UBR2: variants seen among roughly 807,000 people sequenced by gnomAD.
UBR2 encodes the protein ubiquitin protein ligase E3 component n-recognin 2.
Under a neutral mutation model 247.9 loss-of-function variants are expected in UBR2, and 92 were observed. The ratio of observed to expected loss-of-function variants is 0.37; its 90% CI spans 0.31 to 0.44. UBR2 has a LOEUF of 0.44. UBR2 is among the 20% of genes least tolerant of loss of function. UBR2 has a pLI of 1.00. For missense variants in UBR2, 1,613 were observed against 2,112.6 expected (o/e 0.76, Z 4.64); for synonymous variants, 672 against 693.5 (o/e 0.97, Z 0.49).
rs1379213303 is a variant in UBR2 at position 42,619,442 on chromosome 6, TA to T, written c.1281+1936del. On this transcript the variant is annotated intron_variant, in intron 11 of 46. Transcript: ENST00000372901. The stretch of plus-strand genomic sequence containing the variant: ...ATATATATATATATATATATATATA[TA>T]TATATATATATTTTTTTTTTTTAGT... 88 of 35,908 alleles carry T rather than the reference TA, an allele frequency of 2.5e-3. 1 individual carries two copies. The highest frequency in any genetic ancestry group is 0.011 in the Admixed American group (27 of 2,406). The allele number at this position is 35,908 out of a possible 1,614,324, so 2.2% of individuals were successfully genotyped here. A position where few individuals can be genotyped will look rare whatever the true frequency, so the allele number is the denominator to read the frequency against.
intron 44 of UBR2, among the ~76,000 whole-genome samples, chr6:42,687,049 C>T (rs1303392063): frequency 2.0e-5 from 3 of 152,074 alleles, no homozygotes; most frequent in East Asian, 3.9e-4. Flanking sequence ...ACTGGGCGGC[C>T]GGGCAGAGAC....
intron 4 of UBR2, among the ~76,000 whole-genome samples, chr6:42,603,218 A>G (rs1463944851): frequency 6.6e-6 from 1 of 152,218 alleles, no homozygotes; most frequent in Admixed American, 6.5e-5. Flanking sequence ...CTTCCTAGGT[A>G]ATAGTCCTTT....
chr6:42,620,481 G>GTTGTTT (rs1794904765), intron 11 of UBR2: 1 of 66,620 alleles, frequency 1.5e-5, no homozygotes, highest in African/African-American at 3.7e-5. Context: ...ATTAAGTGTT[G>GTTGTTT]TTTTTTTTTT....
At chr6:42,565,190 A>G (rs1790706741) in intron 1 of UBR2, among the ~76,000 whole-genome samples, 1 of 152,242 alleles carries the variant, frequency 6.6e-6, no homozygotes, top group Admixed American at 6.5e-5. Flanking sequence ...GTTCAAACGC[A>G]CTATTGCATT....
intron 2 of UBR2, among the ~76,000 whole-genome samples, chr6:42,588,982 T>A (rs567520696): frequency 2.8e-4 from 42 of 152,334 alleles, no homozygotes; most frequent in African/African-American, 8.4e-4. Flanking sequence ...GGGCATTGTA[T>A]TTTGTCAAAT....
intron 30 of UBR2, among the ~76,000 whole-genome samples, chr6:42,661,057 G>A (rs184187039): frequency 2.6e-3 from 400 of 151,710 alleles, no homozygotes; most frequent in African/African-American, 9.2e-3. Flanking sequence ...ACTCTGGGAG[G>A]CCAAGGCAGG....
At chr6:42,619,394 T>C (rs1205401119) in intron 11 of UBR2, 2 of 138,212 alleles carry the variant, frequency 1.4e-5, no homozygotes, top group Non-Finnish European at 3.0e-5. Flanking sequence ...AAAAACTTCA[T>C]AGTTCTCTCG....
intron 17 of UBR2, among the ~76,000 whole-genome samples, chr6:42,642,140 C>A (rs1463193669): frequency 6.6e-6 from 1 of 151,736 alleles, no homozygotes; most frequent in African/African-American, 2.4e-5. Context: ...TTTTGTTTTT[C>A]TCCTGTGTTT....
chr6:42,617,233 T>G, intron 10 of UBR2, 176 bp from the exon 11 acceptor site: 1 of 1,613,792 alleles, frequency 6.2e-7, no homozygotes. Context: ...TCCCCCTTGT[T>G]GTTTAGAATT....
chr6:42,601,910 C>T (rs1460095548), intron 4 of UBR2, among the ~76,000 whole-genome samples: 1 of 89,208 alleles, frequency 1.1e-5, no homozygotes, highest in Non-Finnish European at 2.4e-5. Flanking sequence ...TGCTCTGTTG[C>T]CCAGGCTGGA....
chr6:42,565,982 AAATG>A (rs1314620910), intron 1 of UBR2, among the ~76,000 whole-genome samples: 1 of 152,184 alleles, frequency 6.6e-6, no homozygotes, highest in East Asian at 1.9e-4. Flanking sequence ...TGAAAAAAGA[AAATG>A]AAAGTAGTGT....
At chr6:42,594,090 C>T (rs1792826499) in intron 3 of UBR2, 101 bp from the exon 4 acceptor site, 2 of 834,186 alleles carry the variant, frequency 2.4e-6, no homozygotes, top group Non-Finnish European at 3.7e-6. Context: ...AAATTAAACA[C>T]TTAAGCAATG....
In UBR2 at chr6:42,659,427, C is replaced by T. The variant is rs550547451; in HGVS notation, c.3243-229C>T. On this transcript the variant is annotated intron_variant, in intron 29 of 46. Coordinates refer to ENST00000372901, the MANE Select transcript of UBR2 (RefSeq NM_001363705.2). The surrounding 1 kb of genome is among the most constrained non-coding windows in gnomAD (Gnocchi z 4.3). ...GAGTCAGGAGAATTGCTTGAACCTGCGAGGCGGAGGTTGCAGTGAGCCAAG... is the reference window on the plus strand; with the variant it reads ...GAGTCAGGAGAATTGCTTGAACCTGTGAGGCGGAGGTTGCAGTGAGCCAAG... Among the ~76,000 whole-genome samples the T allele has an allele frequency of 5.3e-5, 8 of 151,466 alleles. No individual in the cohort carries two copies. Among genetic ancestry groups the T allele is most frequent in the African/African-American group, 1.9e-4 (8 of 41,296 alleles).
At chr6:42,690,387 G>C (rs1246613853) in intron 46 of UBR2, among the ~76,000 whole-genome samples, 1 of 152,202 alleles carries the variant, frequency 6.6e-6, no homozygotes, top group East Asian at 1.9e-4. Flanking sequence ...AGCGTGGGCT[G>C]TTAGGAGGAG....
In UBR2 at chr6:42,688,230, G is replaced by A. The variant is rs1216420784; in HGVS notation, c.4868G>A (p.Gly1623Asp). ...ATCCCTTGGAGGTGCCCGAAATCAG[G>A]TGGTGATAAGAGCAGAGCCCCAACT... ...QASNFSCPKS[G>D]GDKSRAPTLC... The change falls in exon 45 of 47, where the codon GGT (glycine) becomes GAT (aspartate). Residue 1623 changes from glycine (G) to aspartate (D), a missense_variant. Physicochemically the swap from Gly to Asp is moderately conservative, Grantham distance 94 (BLOSUM62 -1). Around this residue, in one of 3 missense-constraint regions of UBR2, gnomAD observed 1,524 missense variants for 1,967.3 expected, o/e 0.77. Transcript: ENST00000372901. 2 of 1,614,038 alleles carry A rather than the reference G, an allele frequency of 1.2e-6. No homozygotes were observed. The highest frequency in any genetic ancestry group is 1.3e-5 in the African/African-American group (1 of 74,904).
At position 42,607,725 on chromosome 6, in the gene UBR2, T is replaced by TC. The variant is rs1203019660; in HGVS notation, c.864+1074_864+1075insC. On this transcript the variant is annotated intron_variant, in intron 7 of 46. Transcript: ENST00000372901. The stretch of plus-strand genomic sequence containing the variant: ...CCACTCCCAGCTGTTTTTTTTTTTT[T>TC]TTTTTTTTTAGTAGAGAAGGGGTTT... 5.7e-3 allele frequency among the ~76,000 whole-genome samples: 834 copies of TC among 147,258 alleles called. 10 individuals are homozygous for TC. The highest frequency in any genetic ancestry group is 0.02 in the African/African-American group (783 of 39,446).
chr6:42,650,267 G>A lies in UBR2; in HGVS notation c.2463-17G>A, dbSNP rs778719047. ...TATGGCTTTGGTAATAATATTCTAA[G>A]GTCCTTTCTTTCACAGGAAACCTGG... On this transcript the variant is annotated splice_polypyrimidine_tract_variant and intron_variant, in intron 22 of 46. Coordinates refer to ENST00000372901, the MANE Select transcript of UBR2 (RefSeq NM_001363705.2). 14 of 1,593,550 alleles carry A rather than the reference G, an allele frequency of 8.8e-6. No individual in the cohort carries two copies. The East Asian group carries it at 2.5e-4, about 28-fold the overall frequency.
At chr6:42,584,918 A>G (rs1212060459) in intron 2 of UBR2, among the ~76,000 whole-genome samples, 1 of 152,082 alleles carries the variant, frequency 6.6e-6, no homozygotes, top group Non-Finnish European at 1.5e-5. Context: ...GGATTTTCCT[A>G]TAATTATGTC....
chr6:42,577,003 G>A (rs1220864647), intron 2 of UBR2, among the ~76,000 whole-genome samples: 1 of 152,174 alleles, frequency 6.6e-6, no homozygotes, highest in Non-Finnish European at 1.5e-5. Flanking sequence ...TTAGATTGTT[G>A]AGAGGGTTAG....
Sources: allele counts gnomAD v4.1 joint callset (sites outside exome capture counted in the v4.1 genomes callset), GRCh38; gene constraint gnomAD v4.1.1; regional missense constraint gnomAD v4.1.1; non-coding constraint Gnocchi (gnomAD v3.1); transcripts MANE v1.5; gene names NCBI Gene and HGNC (gene_info 2026-07-23, HGNC 2026-07-21).